MEGF8: variants seen among roughly 807,000 people sequenced by gnomAD.
MEGF8 encodes multiple EGF like domains 8.
In MEGF8, 156 loss-of-function variants were observed where a neutral mutation model predicts 302.9. The ratio of observed to expected loss-of-function variants is 0.52; its 90% CI spans 0.45 to 0.59. MEGF8 has a LOEUF of 0.59. Among genes scored for constraint, MEGF8 ranks in the 20% least tolerant of loss-of-function variants. The pLI is 0.00. For missense variants in MEGF8, 3,345 were observed against 3,964.5 expected, an observed-to-expected ratio of 0.84 and a Z score of 4.20; for synonymous variants, 1,621 against 1,660.5, an observed-to-expected ratio of 0.98 and a Z score of 0.58.
At chr19:42,346,112 G>T (rs931305463) in intron 12 of MEGF8, among the ~76,000 whole-genome samples, 5 of 152,162 alleles carry the variant, frequency 3.3e-5, no homozygotes, top group Non-Finnish European at 5.9e-5. Context: ...GTGTTAGCCA[G>T]CATGGTCTCG....
Position 42,344,053 on chromosome 19 carries a change from C to T in MEGF8, c.1768C>T (p.Pro590Ser). 1.2e-6 allele frequency: 2 copies of T among 1,613,560 alleles called. No homozygotes were observed. The highest frequency in any genetic ancestry group is 1.7e-6 in the Non-Finnish European group (2 of 1,179,724). ...CQGACQAAPP[P>S]GTPLGACPAA... ...AGGAGCCTGCCAAGCTGCACCCCCT[C>T]CTGGGACCCCCTTGGGGGCTGTGAG... The change falls in exon 10 of 42, where the codon CCT (proline) becomes TCT (serine). Residue 590 changes from proline to serine, a missense_variant. Coordinates refer to ENST00000251268, the MANE Select transcript of MEGF8 (RefSeq NM_001271938.2). The surrounding 1 kb of genome is among the most constrained non-coding windows in gnomAD (Gnocchi z 4.5).
intron 1 of MEGF8, among the ~76,000 whole-genome samples, chr19:42,330,066 C>T (rs935142247): frequency 2.0e-5 from 3 of 151,926 alleles, no homozygotes; most frequent in Non-Finnish European, 4.4e-5. Flanking sequence ...CCTTGGTTTC[C>T]TGAGTAGCTG....
rs147593610 is a variant in MEGF8, at chr19:42,367,539, C to T, written c.6274-916C>T. On this transcript the variant is annotated intron_variant, in intron 35 of 41. Transcript: ENST00000251268. ...TCCTGACCTCGTGATCCGCCCGCCT[C>T]GGCCTCCCAAAGTGCTGGGATTACA... Among the ~76,000 whole-genome samples the T allele has an allele frequency of 6.1e-3, 923 of 152,270 alleles. 10 individuals are homozygous for T. The highest frequency in any genetic ancestry group is 0.02 in the African/African-American group (849 of 41,554).
intron 9 of MEGF8, 32 bp downstream of exon 9, chr19:42,343,663 T>C (rs1568560795): frequency 6.4e-7 from 1 of 1,570,338 alleles, no homozygotes; most frequent in Non-Finnish European, 8.7e-7. Flanking sequence ...AAAGGGTGGC[T>C]GGGGGGAGGA....
At chr19:42,372,651 T>A (rs924697234) in intron 41 of MEGF8, among the ~76,000 whole-genome samples, 13 of 152,128 alleles carry the variant, frequency 8.5e-5, no homozygotes, top group African/African-American at 3.1e-4. Context: ...TCTGCTTTTT[T>A]ATTTTTTTTT....
chr19:42,374,419 C>T (rs1361896129), intron 41 of MEGF8, among the ~76,000 whole-genome samples: 2 of 148,576 alleles, frequency 1.3e-5, no homozygotes, highest in African/African-American at 2.5e-5. Context: ...TGCAGTGAGC[C>T]GATATCACAC....
rs757465082 is a variant in MEGF8, at chr19:42,375,503, G to A, written c.7270-4G>A. On this transcript the variant is annotated splice_polypyrimidine_tract_variant and splice_region_variant and intron_variant, in intron 41 of 41. Coordinates refer to ENST00000251268, the MANE Select transcript of MEGF8 (RefSeq NM_001271938.2). This position sits in a 1 kb window ranked among gnomAD's most constrained non-coding sequence, Gnocchi z 7.1. The stretch of plus-strand genomic sequence containing the variant: ...ATGGTCACCGCCTCTAACCCTGCCC[G>A]CAGTGCGCCAAGTGCCGGGAATCAT... 32 of 1,572,594 alleles carry A rather than the reference G, an allele frequency of 2.0e-5. No individual in the cohort carries two copies. The highest frequency in any genetic ancestry group is 9.3e-5 in the East Asian group (4 of 42,792).
intron 5 of MEGF8, 123 bp downstream of exon 5, chr19:42,335,508 A>G (rs1474927463): frequency 1.2e-6 from 1 of 818,232 alleles, no homozygotes; most frequent in Non-Finnish European, 2.0e-6. Context: ...ATAGGAACCT[A>G]CTTCTCCCTG....
chr19:42,353,423 A>T lies in MEGF8; in HGVS notation c.3551-42A>T. On this transcript the variant is annotated intron_variant, in intron 20 of 41. Transcript: ENST00000251268. This position sits in a 1 kb window ranked among gnomAD's most constrained non-coding sequence, Gnocchi z 6.1. ...AGCCAGTAGGCCTGGGCCTGTTTCC[A>T]CCCTTGACTTGACTCTGTCCCACCT... The T allele has an allele frequency of 6.3e-7, 1 of 1,592,060 alleles. No homozygotes were observed. Among genetic ancestry groups the T allele is most frequent in the Non-Finnish European group, 8.5e-7 (1 of 1,170,298 alleles).
Position 42,357,574 on chromosome 19 carries a change from A to G in MEGF8, c.5001A>G (p.Thr1667=). The change falls in exon 28 of 42, where the codon ACA becomes ACG. Residue 1667 remains threonine (T), a synonymous_variant. Transcript: ENST00000251268. This position sits in a 1 kb window ranked among gnomAD's most constrained non-coding sequence, Gnocchi z 5.2. ...GTWVSGAQSG[T]PPTGLYGHSA... ...GGGTGTCAGGAGCCCAGAGTGGGAC[A>G]CCCCCCACAGGTGGGGCTGGGGACC... The G allele has an allele frequency of 6.2e-7, 1 of 1,603,606 alleles. No homozygotes were observed. The highest frequency in any genetic ancestry group is 8.5e-7 in the Non-Finnish European group (1 of 1,175,750).
At chr19:42,349,177 GTAGT>G (rs1020058580) in intron 13 of MEGF8, among the ~76,000 whole-genome samples, 1 of 152,024 alleles carries the variant, frequency 6.6e-6, no homozygotes, top group African/African-American at 2.4e-5. Context: ...GCATGCACCT[GTAGT>G]CCCAGCTATT....
rs1568568939 is a variant in MEGF8, at chr19:42,356,040, G to A, written c.4392+35G>A. 1.2e-6 allele frequency: 2 copies of A among 1,602,592 alleles called. No homozygotes were observed. The highest frequency in any genetic ancestry group is 4.5e-5 in the East Asian group (2 of 44,614). On this transcript the variant is annotated intron_variant, in intron 24 of 41. Coordinates refer to ENST00000251268, the MANE Select transcript of MEGF8 (RefSeq NM_001271938.2). The surrounding 1 kb of genome is among the most constrained non-coding windows in gnomAD (Gnocchi z 5.2). ...GGAGAGGGCAAGTCTGGTGGGACAGGGCTGGTGATCAGGGCTCCCCTGAGT... is the reference window on the plus strand; with the variant it reads ...GGAGAGGGCAAGTCTGGTGGGACAGAGCTGGTGATCAGGGCTCCCCTGAGT...
chr19:42,375,805 C>G lies in MEGF8; in HGVS notation c.7568C>G (p.Thr2523Ser). ...GTGGCCCCTGACACTGGCGTCCATACTGTACACATCCAGCCACCCCCAGCC... is the reference window on the plus strand; with the variant it reads ...GTGGCCCCTGACACTGGCGTCCATAGTGTACACATCCAGCCACCCCCAGCC... ...VRVAPDTGVH[T>S]VHIQPPPAPP... The change falls in exon 42 of 42, where the codon ACT (threonine) becomes AGT (serine). Residue 2523 changes from threonine (T) to serine (S), a missense_variant. By Grantham distance (58) the Thr-to-Ser change is moderately conservative. Coordinates refer to ENST00000251268, the MANE Select transcript of MEGF8 (RefSeq NM_001271938.2). This position sits in a 1 kb window ranked among gnomAD's most constrained non-coding sequence, Gnocchi z 7.1. 1 of 1,612,860 alleles carries G rather than the reference C, an allele frequency of 6.2e-7. No homozygotes were observed. The highest frequency in any genetic ancestry group is 8.5e-7 in the Non-Finnish European group (1 of 1,179,818).
intron 23 of MEGF8, among the ~76,000 whole-genome samples, chr19:42,355,417 G>C (rs1158896978): frequency 1.3e-5 from 2 of 152,130 alleles, no homozygotes; most frequent in Non-Finnish European, 2.9e-5. Context: ...TGATTACAGG[G>C]CCCAATTCAC....
intron 13 of MEGF8, 146 bp downstream of exon 13, chr19:42,348,618 AAGAC>A: frequency 1.3e-6 from 1 of 798,822 alleles, no homozygotes; most frequent in Non-Finnish European, 1.9e-6. Context: ...GTGTGTGTGT[AAGAC>A]AGAGTCTCAC....
At position 42,358,423 on chromosome 19, in the gene MEGF8, T is replaced by C. The variant is rs1449580801; in HGVS notation, c.5175+116T>C. ...TTCCTGCTTCCCCTCCTTTCTATGT[T>C]CCCTAACTAAGCGACACCCCCACAT... On this transcript the variant is annotated intron_variant, in intron 29 of 41. Transcript: ENST00000251268. This position sits in a 1 kb window ranked among gnomAD's most constrained non-coding sequence, Gnocchi z 4.4. The C allele has an allele frequency of 2.3e-6, 3 of 1,310,182 alleles. No homozygotes were observed. The highest frequency in any genetic ancestry group is 6.0e-5 in the Admixed American group (2 of 33,458). 81.2% of individuals were successfully genotyped at this position (1,310,182 alleles called of 1,614,324 possible). A position where few individuals can be genotyped will look rare whatever the true frequency, so the allele number is the denominator to read the frequency against.
rs187361489 is a variant in MEGF8 at position 42,329,127 on chromosome 19, C to T, written c.187+2697C>T. On this transcript the variant is annotated intron_variant, in intron 1 of 41. Transcript: ENST00000251268. ...GAGGGTGGCTGGAGTGTCTCAGGAT[C>T]CCCATCTAGGTTTGCCTGGTCTTAT... Among the ~76,000 whole-genome samples the T allele has an allele frequency of 6.0e-3, 909 of 152,280 alleles. 6 individuals carry two copies. The highest frequency in any genetic ancestry group is 0.01 in the Middle Eastern group (3 of 294).
Position 42,371,875 on chromosome 19 carries a change from G to A in MEGF8, c.7269+393G>A, listed in dbSNP as rs551122565. On this transcript the variant is annotated intron_variant, in intron 41 of 41. Transcript: ENST00000251268. ...AGGCGGGAGGATCACTTGAGCCCGG[G>A]GGTTCAAGACCAGCCTGGGCCATAT... is the stretch of plus-strand genomic sequence containing the variant. 1.8e-4 allele frequency among the ~76,000 whole-genome samples: 28 copies of A among 152,192 alleles called. No homozygotes were observed. In the South Asian group the frequency reaches 5.8e-3, roughly 32 times the overall value.
chr19:42,353,225 CT>C lies in MEGF8; in HGVS notation c.3550+99del. The stretch of plus-strand genomic sequence containing the variant: ...TTCTTGGAGGGGGCCTCAGTGTCCT[CT>C]CATGCAGCTCTAGGTCCCCTGCCCC... On this transcript the variant is annotated intron_variant, in intron 20 of 41. Transcript: ENST00000251268. The surrounding 1 kb of genome is among the most constrained non-coding windows in gnomAD (Gnocchi z 6.1). 8.4e-7 allele frequency: 1 copy of C among 1,188,798 alleles called. No individual in the cohort carries two copies. Among genetic ancestry groups the C allele is most frequent in the Non-Finnish European group, 1.2e-6 (1 of 862,480 alleles). The allele number at this position is 1,188,798 out of a possible 1,614,324, so 73.6% of individuals were successfully genotyped here.
Sources: gnomAD v4.1 joint callset for allele counts (sites outside exome capture counted in the v4.1 genomes callset) on GRCh38, gnomAD v4.1.1 for gene constraint, Gnocchi (gnomAD v3.1) non-coding constraint, MANE v1.5 for transcripts, NCBI Gene and HGNC (gene_info 2026-07-23, HGNC 2026-07-21) for gene names.